Variants in SMAP1 observed in about 807,000 individuals in gnomAD.
SMAP1 encodes the protein stromal membrane-associated protein 1.
A neutral mutation model predicts 58.5 loss-of-function variants in SMAP1; 24 were observed. That is an observed-to-expected ratio of 0.41 (90% CI 0.30 to 0.58). The LOEUF is 0.58. Among genes scored for constraint, SMAP1 ranks in the 20% least tolerant of loss-of-function variants. The pLI, the probability that SMAP1 is intolerant of heterozygous loss-of-function variation, is 0.29. For synonymous variants in SMAP1, 216 were observed against 196.6 expected, an observed-to-expected ratio of 1.10 and a Z score of -0.82; for missense variants, 563 against 566.3, an observed-to-expected ratio of 0.99 and a Z score of 0.06.
chr6:70,712,335 T>C (rs983150024), intron 1 of SMAP1, among the ~76,000 whole-genome samples: 1 of 152,232 alleles, frequency 6.6e-6, no homozygotes, highest in African/African-American at 2.4e-5. Flanking sequence ...TTTGGTTTGC[T>C]GGTATTTTAC....
rs752310593 is a variant in SMAP1, at chr6:70,773,368, C to T, written c.357C>T (p.Ile119=). The change falls in exon 4 of 11, where the codon ATC becomes ATT. Residue 119 remains isoleucine (I), a synonymous_variant. Coordinates refer to ENST00000370455, the MANE Select transcript of SMAP1 (RefSeq NM_001044305.3). ...TTTTCAGAGCAGTGGAATTTTTCAT[C>T]AGAGATAAATATGAAAAGAAGAAAT... The part of the protein sequence containing the change: ...PQTDQAVEFF[I]RDKYEKKKYY... 6.7e-5 allele frequency: 105 copies of T among 1,573,062 alleles called. No homozygotes were observed. The highest frequency in any genetic ancestry group is 6.1e-5 in the Non-Finnish European group (70 of 1,150,114).
intron 8 of SMAP1, 153 bp from the exon 9 acceptor site, chr6:70,856,706 G>T: frequency 3.1e-6 from 2 of 641,760 alleles, no homozygotes; most frequent in Non-Finnish European, 5.1e-6. Context: ...ATATGGGCTT[G>T]GGCTTGTAAG....
At chr6:70,766,515 C>T (rs551537397) in intron 3 of SMAP1, among the ~76,000 whole-genome samples, 19 of 152,196 alleles carry the variant, frequency 1.2e-4, no homozygotes, top group South Asian at 6.2e-4. Flanking sequence ...AGCATTTTTT[C>T]GTGTGTTTTT....
At chr6:70,733,527 G>A (rs1765507157) in intron 2 of SMAP1, among the ~76,000 whole-genome samples, 1 of 152,150 alleles carries the variant, frequency 6.6e-6, no homozygotes. Context: ...GGTAACAGAT[G>A]TCATGATGTT....
chr6:70,773,339 T>C lies in SMAP1; in HGVS notation c.339-11T>C, dbSNP rs1767405267. On this transcript the variant is annotated splice_polypyrimidine_tract_variant and intron_variant, in intron 3 of 10. Transcript: ENST00000370455. ...TGAATTCATGCTTTTCCTTAAGTTA[T>C]CTGTTTTCAGAGCAGTGGAATTTTT... 3.3e-6 allele frequency: 5 copies of C among 1,517,002 alleles called. No homozygotes were observed. Among genetic ancestry groups the C allele is most frequent in the African/African-American group, 1.4e-5 (1 of 72,928 alleles). The allele number at this position is 1,517,002 out of a possible 1,614,324, so 94.0% of individuals were successfully genotyped here.
At chr6:70,839,982 T>C (rs1031681961) in intron 7 of SMAP1, among the ~76,000 whole-genome samples, 1 of 152,166 alleles carries the variant, frequency 6.6e-6, no homozygotes, top group Admixed American at 6.5e-5. Flanking sequence ...ATTTATCTGC[T>C]CAGAAGCATG....
chr6:70,798,632 AT>A (rs1191498630), intron 5 of SMAP1, 24 bp from the exon 6 acceptor site: 1 of 1,487,380 alleles, frequency 6.7e-7, no homozygotes, highest in African/African-American at 1.4e-5. Flanking sequence ...AAGTAAACTT[AT>A]CAAAACTTTG....
intron 2 of SMAP1, among the ~76,000 whole-genome samples, chr6:70,750,893 T>G (rs935147102): frequency 6.6e-6 from 1 of 152,190 alleles, no homozygotes; most frequent in African/African-American, 2.4e-5. Context: ...GAACATACGT[T>G]AAATGAGAAC....
chr6:70,690,237 A>G (rs1767101620), intron 1 of SMAP1, among the ~76,000 whole-genome samples: 1 of 152,228 alleles, frequency 6.6e-6, no homozygotes, highest in Admixed American at 6.5e-5. Flanking sequence ...AATTTTCATC[A>G]GAAATGTATG....
chr6:70,770,117 A>T (rs1364213254), intron 3 of SMAP1, among the ~76,000 whole-genome samples: 2 of 151,804 alleles, frequency 1.3e-5, no homozygotes. Flanking sequence ...CCGAGAGGTC[A>T]GCTGTTAGTC....
chr6:70,857,089 A>G, intron 9 of SMAP1, 59 bp downstream of exon 9: 1 of 1,441,468 alleles, frequency 6.9e-7, no homozygotes, highest in Non-Finnish European at 9.3e-7. Context: ...CTTTGTAATT[A>G]TATAATAAGA....
At chr6:70,677,392 A>G (rs1349403585) in intron 1 of SMAP1, among the ~76,000 whole-genome samples, 7 of 109,918 alleles carry the variant, frequency 6.4e-5, no homozygotes, top group Non-Finnish European at 1.3e-4. Flanking sequence ...TCAACCTTGT[A>G]TGGTCTGTGT....
At chr6:70,761,565 T>G (rs900668398) in intron 3 of SMAP1, among the ~76,000 whole-genome samples, 4 of 152,060 alleles carry the variant, frequency 2.6e-5, no homozygotes, top group Admixed American at 2.6e-4. Context: ...CTCATCTGTT[T>G]AAACTTGATG....
intron 3 of SMAP1, among the ~76,000 whole-genome samples, chr6:70,763,150 A>C (rs1477799341): frequency 8.1e-6 from 1 of 123,776 alleles, no homozygotes; most frequent in Non-Finnish European, 1.6e-5. Context: ...ATGTTGTGGC[A>C]ACCCTATGCA....
chr6:70,752,664 GTTGT>G (rs1766326429), intron 2 of SMAP1, among the ~76,000 whole-genome samples: 1 of 151,872 alleles, frequency 6.6e-6, no homozygotes. Flanking sequence ...ATCAGCTCCT[GTTGT>G]TTTTTTCCCC....
intron 1 of SMAP1, among the ~76,000 whole-genome samples, chr6:70,703,743 G>C (rs1267019615): frequency 1.3e-5 from 2 of 152,170 alleles, no homozygotes; most frequent in African/African-American, 4.8e-5. Flanking sequence ...TGTTTAAGGA[G>C]TTTTCTCTCT....
At chr6:70,696,149 A>T (rs1390376084) in intron 1 of SMAP1, among the ~76,000 whole-genome samples, 2 of 151,296 alleles carry the variant, frequency 1.3e-5, no homozygotes, top group African/African-American at 4.9e-5. Context: ...GATTTTATTT[A>T]TTTGTGTCTT....
chr6:70,828,765 C>T (rs1326356352), intron 6 of SMAP1, among the ~76,000 whole-genome samples: 2 of 152,234 alleles, frequency 1.3e-5, no homozygotes, highest in Non-Finnish European at 2.9e-5. Context: ...CTTTCCCACT[C>T]AGTGTTCTTC....
intron 1 of SMAP1, among the ~76,000 whole-genome samples, chr6:70,715,684 G>T (rs1408366033): frequency 1.3e-5 from 2 of 151,968 alleles, no homozygotes; most frequent in African/African-American, 4.8e-5. Flanking sequence ...AGAGGTGGAG[G>T]GTTTTGGGAT....
Sources: allele counts gnomAD v4.1 joint callset (sites outside exome capture counted in the v4.1 genomes callset), GRCh38; gene constraint gnomAD v4.1.1; transcripts MANE v1.5; gene names NCBI Gene and HGNC (gene_info 2026-07-23, HGNC 2026-07-21).